The following WARS1 variants were observed in gnomAD, a reference collection of about 807,000 sequenced individuals.
WARS1 encodes the protein tryptophan--tRNA ligase, cytoplasmic.
WARS1 carries 17 observed loss-of-function variants against 47.8 expected under a neutral mutation model. The observed-to-expected ratio is 0.36, with a 90% CI of 0.24 to 0.53. The LOEUF is 0.53. Among genes scored for constraint, WARS1 ranks in the 20% least tolerant of loss-of-function variants. The probability of loss-of-function intolerance (pLI) is 0.91; values close to 1 mark genes in which losing one functional copy is unlikely to be tolerated. For synonymous variants in WARS1, 208 were observed against 228.1 expected, an observed-to-expected ratio of 0.91 and a Z score of 0.79; for missense variants, 434 against 608.0, an observed-to-expected ratio of 0.71 and a Z score of 3.01.
intron 2 of WARS1, among the ~76,000 whole-genome samples, chr14:100,366,437 A>C (rs1049407320): frequency 5.9e-5 from 9 of 152,248 alleles, no homozygotes; most frequent in African/African-American, 1.9e-4. Flanking sequence ...TGCACCCCCC[A>C]AAACACCAGC....
intron 4 of WARS1, among the ~76,000 whole-genome samples, chr14:100,356,396 T>TCGGGG (rs772938654): frequency 1.0e-5 from 1 of 98,824 alleles, no homozygotes; most frequent in Non-Finnish European, 2.2e-5. Context: ...TGTGTGTGTG[T>TCGGGG]GTGGGGGGGG....
At chr14:100,357,480 A>G (rs1477506248) in intron 4 of WARS1, among the ~76,000 whole-genome samples, 1 of 148,216 alleles carries the variant, frequency 6.7e-6, no homozygotes, top group Non-Finnish European at 1.5e-5. Context: ...TTTTTTTTTG[A>G]GAGGGAGTTT....
intron 10 of WARS1, among the ~76,000 whole-genome samples, chr14:100,335,987 A>T (rs1224085734): frequency 1.3e-5 from 2 of 151,214 alleles, no homozygotes; most frequent in Non-Finnish European, 2.9e-5. Flanking sequence ...AAAAGAAATG[A>T]GGGTCTTGGC....
intron 7 of WARS1, among the ~76,000 whole-genome samples, chr14:100,345,727 T>A (rs945399655): frequency 6.6e-6 from 1 of 152,274 alleles, no homozygotes; most frequent in Admixed American, 6.5e-5. Context: ...TAAAAGTGTT[T>A]AGTGTTTTGG....
chr14:100,334,863 G>A lies in WARS1; in HGVS notation c.*12C>T. 1 of 1,613,342 alleles carries A rather than the reference G, an allele frequency of 6.2e-7. No homozygotes were observed. Among genetic ancestry groups the A allele is most frequent in the Non-Finnish European group, 8.5e-7 (1 of 1,179,422 alleles). The stretch of plus-strand genomic sequence containing the variant: ...TACATCACTTCTTTTATAAGCATAT[G>A]TAAAACGAGTGCTACTGAAAGTCGA... On this transcript the variant is annotated 3_prime_UTR_variant, in exon 11 of 11. Coordinates refer to ENST00000392882, the MANE Select transcript of WARS1 (RefSeq NM_004184.4).
intron 6 of WARS1, among the ~76,000 whole-genome samples, chr14:100,348,463 G>A (rs1045486541): frequency 1.3e-5 from 2 of 152,190 alleles, no homozygotes; most frequent in South Asian, 2.1e-4. Context: ...GAGGGCGGGC[G>A]CAGTACTGTG....
intron 8 of WARS1, 139 bp from the exon 9 acceptor site, chr14:100,342,710 T>A: frequency 2.6e-6 from 2 of 758,362 alleles, no homozygotes; most frequent in Non-Finnish European, 2.1e-6. Context: ...CCCCTTCATC[T>A]TTTCCTTTTT....
Position 100,334,936 on chromosome 14 carries a change from A to G in WARS1, c.1355T>C (p.Val452Ala), listed in dbSNP as rs758740628. The G allele has an allele frequency of 6.2e-7, 1 of 1,614,120 alleles. No individual in the cohort carries two copies. The highest frequency in any genetic ancestry group is 1.7e-5 in the Admixed American group (1 of 60,006). ...GAACTCTTTCACTATCTCATCCGTG[A>G]CCTCCTTGCGCCGGGCCTGGTGCTC... ...IAEHQARRKE[V>A]TDEIVKEFMT... The change falls in exon 11 of 11, where the codon GTC becomes GCC. Residue 452 changes from valine (V) to alanine (A), a missense_variant. By Grantham distance (64) the Val-to-Ala change is moderately conservative. Transcript: ENST00000392882.
At chr14:100,351,218 T>C (rs1471195989) in intron 6 of WARS1, among the ~76,000 whole-genome samples, 3 of 152,198 alleles carry the variant, frequency 2.0e-5, no homozygotes, top group South Asian at 2.1e-4. Context: ...GGGAAGAGGA[T>C]AGCAGCTACT....
intron 9 of WARS1, chr14:100,342,099 T>C (rs1166517848): frequency 7.9e-6 from 3 of 381,454 alleles, no homozygotes; most frequent in East Asian, 5.9e-5. Flanking sequence ...TTTAAGGAAA[T>C]TGCCATGACT....
rs533012874 is a variant in WARS1, at chr14:100,344,055, G to T, written c.827-668C>A. On this transcript the variant is annotated intron_variant, in intron 7 of 10. Coordinates refer to ENST00000392882, the MANE Select transcript of WARS1 (RefSeq NM_004184.4). ...TCCACCTTTAATTATCAGAAGTTAT[G>T]ATGGCTTCCCTCTTCCCTCTTCCCT... Among the ~76,000 whole-genome samples, 10 of 102,824 alleles carry T rather than the reference G, an allele frequency of 9.7e-5. No individual in the cohort carries two copies. The South Asian group carries it at 4.2e-3, about 44-fold the overall frequency. 67.5% of individuals were successfully genotyped at this position (102,824 alleles called of 152,430 possible).
In WARS1 at chr14:100,354,576, A is replaced by G; in HGVS notation, c.423-10T>C. Reference sequence around the variant, plus strand: ...AACCTGATTCATATCTCTAAAGGAAAAAGGAGAAGAGGAAGAGTGTGATTT... The same window carrying G: ...AACCTGATTCATATCTCTAAAGGAAGAAGGAGAAGAGGAAGAGTGTGATTT... On this transcript the variant is annotated splice_polypyrimidine_tract_variant and intron_variant, in intron 4 of 10. Coordinates refer to ENST00000392882, the MANE Select transcript of WARS1 (RefSeq NM_004184.4). 6.2e-7 allele frequency: 1 copy of G among 1,600,652 alleles called. No homozygotes were observed. Among genetic ancestry groups the G allele is most frequent in the Non-Finnish European group, 8.5e-7 (1 of 1,174,882 alleles).
intron 8 of WARS1, among the ~76,000 whole-genome samples, chr14:100,343,059 T>C (rs1894282963): frequency 6.6e-6 from 1 of 152,208 alleles, no homozygotes; most frequent in African/African-American, 2.4e-5. Flanking sequence ...GTATTTTTAG[T>C]AGAGACGGGG....
intron 9 of WARS1, among the ~76,000 whole-genome samples, chr14:100,337,762 G>A (rs1215851227): frequency 6.6e-6 from 1 of 152,046 alleles, no homozygotes; most frequent in Admixed American, 6.6e-5. Flanking sequence ...GGAGGCTGAG[G>A]TGGAAGGATC....
chr14:100,369,118 A>AC lies in WARS1; in HGVS notation c.67dup (p.Val23GlyfsTer13). The AC allele has an allele frequency of 6.4e-7, 1 of 1,571,510 alleles. No homozygotes were observed. Among genetic ancestry groups the AC allele is most frequent in the Non-Finnish European group, 8.7e-7 (1 of 1,150,422 alleles). On this transcript the variant is annotated frameshift_variant, in exon 2 of 11. Transcript: ENST00000392882. LOFTEE classifies it high-confidence loss of function. ...CGCATTTCCCGCTTTGAGGGACCTTACGAGCTCCCCTTGTGTGGCGATGCT... is the reference window on the plus strand; with the variant it reads ...CGCATTTCCCGCTTTGAGGGACCTTACCGAGCTCCCCTTGTGTGGCGATGCT...
intron 4 of WARS1, among the ~76,000 whole-genome samples, chr14:100,356,551 G>T (rs946089678): frequency 5.3e-5 from 8 of 152,110 alleles, no homozygotes; most frequent in Non-Finnish European, 1.2e-4. Flanking sequence ...TAACCTTGAT[G>T]AAATAGACAA....
Position 100,354,543 on chromosome 14 carries a change from G to C in WARS1, c.446C>G (p.Ala149Gly). Residue 149 changes from alanine to glycine, a missense_variant, in exon 5 of 11, where the codon GCC (alanine) becomes GGC (glycine). Transcript: ENST00000392882. ...SHRDMNQVLD[A>G]YENKKPFYLY... is the part of the protein sequence containing the mutation. ...ATAAAATGGCTTCTTATTTTCATAG[G>C]CATCAAGAACCTGATTCATATCTCT... 1 of 1,613,128 alleles carries C rather than the reference G, an allele frequency of 6.2e-7. No individual in the cohort carries two copies. The highest frequency in any genetic ancestry group is 8.5e-7 in the Non-Finnish European group (1 of 1,179,650).
Position 100,366,651 on chromosome 14 carries a change from A to G in WARS1, c.99+2436T>C, listed in dbSNP as rs547260188. The G allele has an allele frequency of 1.0e-4, 78 of 769,870 alleles. 2 individuals carry two copies. The highest frequency in any genetic ancestry group is 9.4e-4 in the South Asian group (69 of 73,712). The allele number at this position is 769,870 out of a possible 1,614,324, so 47.7% of individuals were successfully genotyped here. On this transcript the variant is annotated intron_variant, in intron 2 of 10. Coordinates refer to ENST00000392882, the MANE Select transcript of WARS1 (RefSeq NM_004184.4). ...ATGGCCCATGGACATGGACATGAGCATGGACATCGTAAAATGGAACTTCTA... is the reference window on the plus strand; with the variant it reads ...ATGGCCCATGGACATGGACATGAGCGTGGACATCGTAAAATGGAACTTCTA...
chr14:100,339,342 A>AGC (rs1277411520), intron 9 of WARS1, among the ~76,000 whole-genome samples: 2 of 152,200 alleles, frequency 1.3e-5, no homozygotes, highest in Non-Finnish European at 2.9e-5. Context: ...CTGTAATCCC[A>AGC]GCACTTTGGG....
Sources: allele counts gnomAD v4.1 joint callset (sites outside exome capture counted in the v4.1 genomes callset), GRCh38; gene constraint gnomAD v4.1.1; transcripts MANE v1.5; gene names NCBI Gene and HGNC (gene_info 2026-07-23, HGNC 2026-07-21).